The following ERMP1 variants were observed in gnomAD, a reference collection of about 807,000 sequenced individuals.
ERMP1 encodes the protein Felix-ina.
In ERMP1, 86 loss-of-function variants were observed where a neutral mutation model predicts 92.0. The ratio of observed to expected loss-of-function variants is 0.93; its 90% confidence interval spans 0.79 to 1.12. ERMP1 has a LOEUF of 1.12. Ranked by LOEUF, ERMP1 falls within the 50% of genes most tolerant of loss-of-function variation. ERMP1 has a pLI of 0.00. For synonymous variants in ERMP1, 530 were observed against 412.8 expected (o/e 1.28, Z -3.44); for missense variants, 1,342 against 1,116.3 (o/e 1.20, Z -2.88).
At chr9:5,815,939 T>C (rs1306480913) in intron 4 of ERMP1, among the ~76,000 whole-genome samples, 1 of 152,114 alleles carries the variant, frequency 6.6e-6, no homozygotes, top group East Asian at 1.9e-4. Context: ...TATTAAAATA[T>C]TACTATTTGA....
At chr9:5,834,328 T>C (rs1830055329), upstream of ERMP1, among the ~76,000 whole-genome samples, 1 of 152,210 alleles carries the variant, frequency 6.6e-6, no homozygotes, top group Non-Finnish European at 1.5e-5. Flanking sequence ...CCTAATTTAA[T>C]TAAGCTTGCT....
At chr9:5,801,615 C>T (rs1010665536) in intron 10 of ERMP1, among the ~76,000 whole-genome samples, 1 of 152,108 alleles carries the variant, frequency 6.6e-6, no homozygotes, top group South Asian at 2.1e-4. Context: ...TCAGGACTGT[C>T]GCTGTCCTTA....
intron 6 of ERMP1, among the ~76,000 whole-genome samples, chr9:5,848,726 G>A (rs1270315080): frequency 1.3e-5 from 2 of 152,142 alleles, no homozygotes; most frequent in Admixed American, 6.5e-5. Flanking sequence ...TTTGAAGGTT[G>A]TTTGTAGCTA....
intron 13 of ERMP1, among the ~76,000 whole-genome samples, chr9:5,793,112 T>G (rs930778695): frequency 2.6e-5 from 4 of 152,118 alleles, no homozygotes; most frequent in East Asian, 1.9e-4. Context: ...ATAAGAGAGA[T>G]AAATGCTAGC....
At chr9:5,810,283 A>G (rs1228661381) in intron 7 of ERMP1, 52 bp from the exon 8 acceptor site, 4 of 1,363,410 alleles carry the variant, frequency 2.9e-6, no homozygotes, top group Admixed American at 3.4e-5. Flanking sequence ...CAAATCAGTT[A>G]TATAACCAGT....
At chr9:5,817,625 T>C (rs558787449) in intron 4 of ERMP1, among the ~76,000 whole-genome samples, 23 of 152,358 alleles carry the variant, frequency 1.5e-4, no homozygotes, top group African/African-American at 5.5e-4. Context: ...CTAAATCCTA[T>C]GATGCTTCCA....
intron 13 of ERMP1, among the ~76,000 whole-genome samples, chr9:5,788,909 G>A (rs1828053976): frequency 6.6e-6 from 1 of 152,078 alleles, no homozygotes; most frequent in South Asian, 2.1e-4. Flanking sequence ...ACAATTACAA[G>A]ATGCCCAACA....
intron 6 of ERMP1, among the ~76,000 whole-genome samples, chr9:5,844,357 C>T (rs938883190): frequency 6.6e-6 from 1 of 152,210 alleles, no homozygotes; most frequent in African/African-American, 2.4e-5. Flanking sequence ...TCACTGCAAC[C>T]TCTGTCTCCC....
intron 6 of ERMP1, among the ~76,000 whole-genome samples, chr9:5,841,476 A>G (rs67278329): frequency 0.019 from 2,916 of 152,326 alleles, 33 homozygotes; most frequent in Middle Eastern, 0.024. Context: ...ACTGCTTAAA[A>G]GGTATGGGGT....
chr9:5,866,984 T>C (rs1009593104), intron 5 of ERMP1, among the ~76,000 whole-genome samples: 7 of 152,138 alleles, frequency 4.6e-5, no homozygotes, highest in Non-Finnish European at 7.4e-5. Context: ...GGCAGAAGGA[T>C]TGCTTGAACC....
chr9:5,791,657 G>A (rs1387315184), intron 13 of ERMP1, among the ~76,000 whole-genome samples: 1 of 151,970 alleles, frequency 6.6e-6, no homozygotes, highest in African/African-American at 2.4e-5. Context: ...TTGAAGATGA[G>A]AAAATGTCAT....
At chr9:5,795,452 G>C (rs1828381322) in intron 13 of ERMP1, among the ~76,000 whole-genome samples, 1 of 152,156 alleles carries the variant, frequency 6.6e-6, no homozygotes, top group East Asian at 1.9e-4. Context: ...AAATAAAACT[G>C]TCTGCAGATG....
chr9:5,787,077 T>A lies in ERMP1; in HGVS notation c.*67A>T. ...TTGACTTACGTTACAAACATCCACG[T>A]AACATAGGGAGAAACCATGTCACAT... On this transcript the variant is annotated 3_prime_UTR_variant, in exon 15 of 15. Coordinates refer to ENST00000339450, the MANE Select transcript of ERMP1 (RefSeq NM_024896.3). 1 of 1,441,618 alleles carries A rather than the reference T, an allele frequency of 6.9e-7. No homozygotes were observed. Among genetic ancestry groups the A allele is most frequent in the Non-Finnish European group, 9.4e-7 (1 of 1,059,840 alleles). 89.3% of individuals were successfully genotyped at this position (1,441,618 alleles called of 1,614,324 possible). A position where few individuals can be genotyped will look rare whatever the true frequency, so the allele number is the denominator to read the frequency against.
In ERMP1 at chr9:5,786,677, TAC is replaced by T. The variant is rs1827950501; in HGVS notation, c.*465_*466del. On this transcript the variant is annotated 3_prime_UTR_variant, in exon 15 of 15. Transcript: ENST00000339450. ...CTATGGCAATCACTTTCCAGTGACC[TAC>T]ACAGAGTTATATTCTCAAGGGGAAT... 1 of 159,788 alleles carries T rather than the reference TAC, an allele frequency of 6.3e-6. No individual in the cohort carries two copies. Among genetic ancestry groups the T allele is most frequent in the African/African-American group, 2.4e-5 (1 of 41,526 alleles). The allele number at this position is 159,788 out of a possible 1,614,324, so 9.9% of individuals were successfully genotyped here.
chr9:5,809,705 G>A (rs565876145), intron 8 of ERMP1, among the ~76,000 whole-genome samples: 2 of 152,252 alleles, frequency 1.3e-5, no homozygotes, highest in Admixed American at 1.3e-4. Flanking sequence ...TAAATAAGTG[G>A]GTGAGCCCAG....
intron 3 of ERMP1, 130 bp from the exon 4 acceptor site, chr9:5,824,131 G>A (rs1310425042): frequency 1.5e-6 from 1 of 682,734 alleles, no homozygotes; most frequent in Non-Finnish European, 2.5e-6. Flanking sequence ...GCTCTTCAAA[G>A]GCAGTATCCA....
At chr9:5,855,523 G>A (rs1830363192) in intron 6 of ERMP1, among the ~76,000 whole-genome samples, 1 of 152,240 alleles carries the variant, frequency 6.6e-6, no homozygotes, top group South Asian at 2.1e-4. Context: ...AAATCACCTA[G>A]AGCTTAGACT....
intron 6 of ERMP1, among the ~76,000 whole-genome samples, chr9:5,843,000 A>C (rs1015307974): frequency 2.0e-5 from 3 of 152,242 alleles, no homozygotes; most frequent in Non-Finnish European, 4.4e-5. Flanking sequence ...TGTGAGCCCA[A>C]ATTAAGAGAT....
intron 13 of ERMP1, among the ~76,000 whole-genome samples, chr9:5,795,482 G>C (rs767438098): frequency 8.5e-5 from 13 of 152,168 alleles, no homozygotes; most frequent in Non-Finnish European, 1.6e-4. Context: ...TCTATTCATA[G>C]AATCTTAAAA....
Sources: allele counts gnomAD v4.1 joint callset (sites outside exome capture counted in the v4.1 genomes callset), GRCh38; gene constraint gnomAD v4.1.1; transcripts MANE v1.5; gene names NCBI Gene and HGNC (gene_info 2026-07-23, HGNC 2026-07-21).